The following LHFPL2 variants were observed in gnomAD, a reference collection of about 807,000 sequenced individuals.
LHFPL2 encodes LHFPL tetraspan subfamily member 2 protein.
LHFPL2 carries 7 observed loss-of-function variants against 17.5 expected under a neutral mutation model. The observed-to-expected ratio is 0.40, with a 90% CI of 0.23 to 0.75. The LOEUF is 0.75. Ranked by LOEUF, LHFPL2 falls within the 30% of genes least tolerant of loss-of-function variation. The pLI, the probability that LHFPL2 is intolerant of heterozygous loss-of-function variation, is 0.37. For synonymous variants in LHFPL2, 134 were observed against 116.2 expected (o/e 1.15, Z -0.99); for missense variants, 241 against 294.8 (o/e 0.82, Z 1.34).
intron 3 of LHFPL2, 136 bp from the exon 4 acceptor site, chr5:78,510,534 C>T (rs2288390): frequency 0.051 from 17,159 of 339,212 alleles, 1,003 homozygotes; most frequent in East Asian, 0.26. Context: ...GCATGCCAGG[C>T]GGTTGTTGCA....
intron 3 of LHFPL2, among the ~76,000 whole-genome samples, chr5:78,554,840 C>G (rs905619168): frequency 6.6e-6 from 1 of 152,160 alleles, no homozygotes; most frequent in Non-Finnish European, 1.5e-5. Context: ...TTTCCAACTT[C>G]CATGGTATTA....
intron 3 of LHFPL2, among the ~76,000 whole-genome samples, chr5:78,529,797 C>G (rs1409337414): frequency 6.6e-6 from 1 of 152,172 alleles, no homozygotes; most frequent in East Asian, 1.9e-4. Context: ...TAAATTTGTG[C>G]AATGCAAGAA....
chr5:78,528,514 T>C (rs930878237), intron 3 of LHFPL2, among the ~76,000 whole-genome samples: 3 of 152,118 alleles, frequency 2.0e-5, no homozygotes, highest in Admixed American at 6.5e-5. Flanking sequence ...CATAGAAAAA[T>C]TGTCTTCCAC....
chr5:78,565,621 T>C (rs1402365939), intron 2 of LHFPL2, among the ~76,000 whole-genome samples: 1 of 152,238 alleles, frequency 6.6e-6, no homozygotes, highest in African/African-American at 2.4e-5. Context: ...TTACCATTTG[T>C]TGAAAATCTG....
At chr5:78,641,324 G>T (rs554108187) in intron 1 of LHFPL2, among the ~76,000 whole-genome samples, 3 of 152,200 alleles carry the variant, frequency 2.0e-5, no homozygotes, top group Non-Finnish European at 2.9e-5. Context: ...GCAGTCAAAG[G>T]CCAGACAACC....
intron 3 of LHFPL2, among the ~76,000 whole-genome samples, chr5:78,555,492 G>A (rs1561337185): frequency 6.6e-6 from 1 of 152,230 alleles, no homozygotes; most frequent in Non-Finnish European, 1.5e-5. Context: ...AAGGAGGAAG[G>A]AGGACAGACA....
At chr5:78,644,697 G>A (rs909415668) in intron 1 of LHFPL2, 1 of 278,636 alleles carries the variant, frequency 3.6e-6, no homozygotes. Context: ...TAGCAGACAT[G>A]GTCTTGCACC....
intron 4 of LHFPL2, among the ~76,000 whole-genome samples, chr5:78,495,357 G>T (rs893005537): frequency 2.6e-5 from 4 of 152,262 alleles, no homozygotes; most frequent in African/African-American, 7.2e-5. Context: ...GGGACTCAAG[G>T]TTTCTTGTCT....
intron 4 of LHFPL2, among the ~76,000 whole-genome samples, chr5:78,491,929 A>G (rs2112288095): frequency 6.6e-6 from 1 of 152,342 alleles, no homozygotes; most frequent in East Asian, 1.9e-4. Context: ...TCTTGAAAAA[A>G]TATTCTCCAT....
At chr5:78,536,419 C>T (rs1431485980) in intron 3 of LHFPL2, among the ~76,000 whole-genome samples, 1 of 152,182 alleles carries the variant, frequency 6.6e-6, no homozygotes, top group Non-Finnish European at 1.5e-5. Context: ...TGGCCTTTTT[C>T]TCTCCCAAAC....
At chr5:78,493,128 G>A (rs1754502138) in intron 4 of LHFPL2, among the ~76,000 whole-genome samples, 1 of 152,168 alleles carries the variant, frequency 6.6e-6, no homozygotes, top group African/African-American at 2.4e-5. Context: ...TCATTTCTTT[G>A]GGTATGTAGA....
chr5:78,488,964 A>G lies in LHFPL2; in HGVS notation c.620T>C (p.Ile207Thr), dbSNP rs1156992669. 3 of 1,614,134 alleles carry G rather than the reference A, an allele frequency of 1.9e-6. No homozygotes were observed. The highest frequency in any genetic ancestry group is 2.5e-6 in the Non-Finnish European group (3 of 1,180,016). Residue 207 changes from isoleucine (I) to threonine (T), a missense_variant, in exon 5 of 5, where the codon ATT (isoleucine) becomes ACT (threonine). Ile to Thr is a moderately conservative substitution (Grantham distance 89). Transcript: ENST00000380345. ...ICAVFSAQAE[I>T]ATSSDKVQEE... ...CTGTACTTTGTCACTAGAGGTTGCA[A>G]TTTCTGCTTGTGCAGAGAAGACAGC...
chr5:78,561,695 T>A (rs1268364130), intron 3 of LHFPL2, among the ~76,000 whole-genome samples: 12 of 152,352 alleles, frequency 7.9e-5, no homozygotes, highest in African/African-American at 2.9e-4. Context: ...CGAGCATGTT[T>A]ACTGAGATTC....
intron 2 of LHFPL2, among the ~76,000 whole-genome samples, chr5:78,604,298 C>T (rs955104512): frequency 1.6e-4 from 23 of 140,212 alleles, no homozygotes; most frequent in African/African-American, 3.0e-4. Flanking sequence ...GCCAACATGG[C>T]GAAACCCCAT....
At chr5:78,618,945 G>A (rs1240088651) in intron 2 of LHFPL2, among the ~76,000 whole-genome samples, 4 of 152,188 alleles carry the variant, frequency 2.6e-5, no homozygotes, top group African/African-American at 7.2e-5. Context: ...CAGACTTGGA[G>A]TTTAGAAATA....
intron 1 of LHFPL2, among the ~76,000 whole-genome samples, chr5:78,635,061 G>A (rs1219670253): frequency 5.9e-5 from 9 of 152,234 alleles, no homozygotes; most frequent in South Asian, 2.1e-4. Flanking sequence ...CTGGTCCCTC[G>A]GGAGTGCTTC....
intron 2 of LHFPL2, among the ~76,000 whole-genome samples, chr5:78,605,985 T>C (rs1744199670): frequency 6.6e-6 from 1 of 152,202 alleles, no homozygotes; most frequent in Non-Finnish European, 1.5e-5. Flanking sequence ...ACTTCTCTAA[T>C]ATGAGGACTG....
chr5:78,611,218 G>A (rs577958569), intron 2 of LHFPL2, among the ~76,000 whole-genome samples: 122 of 152,306 alleles, frequency 8.0e-4, no homozygotes, highest in Non-Finnish European at 1.4e-3. Context: ...AGTGCAGCAC[G>A]CGTCCCCAGG....
chr5:78,499,059 AG>A (rs1754694158), intron 4 of LHFPL2, among the ~76,000 whole-genome samples: 1 of 152,208 alleles, frequency 6.6e-6, no homozygotes, highest in African/African-American at 2.4e-5. Flanking sequence ...AGTGTTGACC[AG>A]CTTCACATGC....
Sources: allele counts gnomAD v4.1 joint callset (sites outside exome capture counted in the v4.1 genomes callset), GRCh38; gene constraint gnomAD v4.1.1; transcripts MANE v1.5; gene names NCBI Gene and HGNC (gene_info 2026-07-23, HGNC 2026-07-21).